The following UNKL variants were observed in gnomAD, a reference collection of about 807,000 sequenced individuals.
UNKL encodes the protein putative E3 ubiquitin-protein ligase UNKL.
UNKL carries 60 observed loss-of-function variants against 78.0 expected under a neutral mutation model. The ratio of observed to expected loss-of-function variants is 0.77; its 90% confidence interval spans 0.63 to 0.95. The LOEUF is 0.95. Ranked by LOEUF, UNKL falls within the 40% of genes least tolerant of loss-of-function variation. The probability of loss-of-function intolerance (pLI) is 0.00; values close to 1 mark genes in which losing one functional copy is unlikely to be tolerated. For synonymous variants in UNKL, 608 were observed against 474.8 expected (o/e 1.28, Z -3.65); for missense variants, 1,159 against 1,045.7 (o/e 1.11, Z -1.49).
At chr16:1,367,569 T>TCCCCTCCCATCTCA (rs2035402994) in intron 13 of UNKL, 87 bp downstream of exon 13, 1 of 197,638 alleles carries the variant, frequency 5.1e-6, no homozygotes, top group Non-Finnish European at 9.0e-6. Flanking sequence ...CCTCCCTCCC[T>TCCCCTCCCATCTCA]CCCCTCCCAT....
In UNKL at chr16:1,406,721, G is replaced by C. The variant is rs561989622; in HGVS notation, c.288-3377C>G. ...TGCTCCCAAAGCCCAAGCTCATCAT[G>C]AGATCAGTTTAAACAGCAAATTCTA... On this transcript the variant is annotated intron_variant, in intron 2 of 14. Transcript: ENST00000389221. Among the ~76,000 whole-genome samples, 5 of 152,276 alleles carry C rather than the reference G, an allele frequency of 3.3e-5. No individual in the cohort carries two copies. The East Asian group carries it at 9.6e-4, about 29-fold the overall frequency.
chr16:1,366,404 C>A lies in UNKL; in HGVS notation c.2047-9G>T. ...CGGAGCTGGAAGATCACCTGCAGGG[C>A]CAGAACAATGACGGGCTCAGGAGGC... is the stretch of plus-strand genomic sequence containing the variant. On this transcript the variant is annotated splice_polypyrimidine_tract_variant and intron_variant, in intron 14 of 14. Transcript: ENST00000389221. 1 of 1,575,822 alleles carries A rather than the reference C, an allele frequency of 6.3e-7. No homozygotes were observed. Among genetic ancestry groups the A allele is most frequent in the Non-Finnish European group, 8.7e-7 (1 of 1,155,828 alleles).
chr16:1,412,959 G>A (rs886095963), intron 2 of UNKL, among the ~76,000 whole-genome samples: 2 of 152,004 alleles, frequency 1.3e-5, no homozygotes, highest in African/African-American at 4.8e-5. Flanking sequence ...AAATCAGAGT[G>A]GGAAACAGCT....
chr16:1,364,220 T>G lies in UNKL; in HGVS notation c.*2020A>C, dbSNP rs2035053018. The G allele has an allele frequency of 6.6e-6, 1 of 152,178 alleles. No homozygotes were observed. The highest frequency in any genetic ancestry group is 6.5e-5 in the Admixed American group (1 of 15,276). The allele number at this position is 152,178 out of a possible 1,614,324, so 9.4% of individuals were successfully genotyped here. A position where few individuals can be genotyped will look rare whatever the true frequency, so the allele number is the denominator to read the frequency against. On this transcript the variant is annotated 3_prime_UTR_variant, in exon 15 of 15. Transcript: ENST00000389221. ...AACCAAGTCGATAGTTACCTTGGAGTAGTGGACTAGCTGCAGAATGTCACG... is the reference window on the plus strand; with the variant it reads ...AACCAAGTCGATAGTTACCTTGGAGGAGTGGACTAGCTGCAGAATGTCACG...
intron 2 of UNKL, among the ~76,000 whole-genome samples, chr16:1,413,201 A>T (rs1596789147): frequency 7.2e-6 from 1 of 139,372 alleles, no homozygotes; most frequent in South Asian, 2.3e-4. Context: ...GCCGTATCCT[A>T]TCATTGCACT....
rs1243710360 is a variant in UNKL at position 1,399,955 on chromosome 16, G to A, written c.599-446C>T. On this transcript the variant is annotated intron_variant, in intron 4 of 14. Coordinates refer to ENST00000389221, the MANE Select transcript of UNKL (RefSeq NM_001372107.1). The surrounding 1 kb of genome is among the most constrained non-coding windows in gnomAD (Gnocchi z 5.8). Reference sequence around the variant, plus strand: ...GCCTCATGCGCACCACAGCCTCTGGGTGACAAGCACACATCAGTGTGGGTT... The same window carrying A: ...GCCTCATGCGCACCACAGCCTCTGGATGACAAGCACACATCAGTGTGGGTT... Among the ~76,000 whole-genome samples the A allele has an allele frequency of 2.4e-5, 1 of 40,986 alleles. No individual in the cohort carries two copies. The highest frequency in any genetic ancestry group is 0.12 in the East Asian group (1 of 8). 26.9% of individuals were successfully genotyped at this position (40,986 alleles called of 152,430 possible). A position where few individuals can be genotyped will look rare whatever the true frequency, so the allele number is the denominator to read the frequency against.
chr16:1,383,478 C>T (rs1207418883), intron 10 of UNKL: 4 of 254,710 alleles, frequency 1.6e-5, no homozygotes, highest in South Asian at 1.2e-4. Flanking sequence ...TGAGGACCGT[C>T]CTGGGGCCTC....
chr16:1,380,995 G>T (rs1222303160), intron 10 of UNKL, among the ~76,000 whole-genome samples: 1 of 152,160 alleles, frequency 6.6e-6, no homozygotes, highest in Non-Finnish European at 1.5e-5. Flanking sequence ...TTAAGTAAAT[G>T]AAAGAGTGTG....
At chr16:1,383,425 G>A (rs541254673) in intron 10 of UNKL, 1 of 187,434 alleles carries the variant, frequency 5.3e-6, no homozygotes, top group Non-Finnish European at 1.2e-5. Flanking sequence ...GATGCACCTG[G>A]TTGCAGAGGT....
Position 1,367,333 on chromosome 16 carries a change from T to C in UNKL, c.1805A>G (p.Gln602Arg). The C allele has an allele frequency of 6.5e-7, 1 of 1,545,526 alleles. No homozygotes were observed. The highest frequency in any genetic ancestry group is 8.7e-7 in the Non-Finnish European group (1 of 1,150,196). ...CTCCTTGGCCTCCTGCGCCTCTCGC[T>C]GCCAGGCATCGCAGACCTGAAACCC... ...QQVKQVCDAW[Q>R]REAQEAKERA... The change falls in exon 14 of 15, where the codon CAG becomes CGG. Residue 602 changes from glutamine (Q) to arginine (R), a missense_variant. Transcript: ENST00000389221.
intron 12 of UNKL, among the ~76,000 whole-genome samples, chr16:1,368,537 G>C (rs984641683): frequency 7.1e-6 from 1 of 141,844 alleles, no homozygotes; most frequent in Admixed American, 8.1e-5. Context: ...GGGAAGCGGA[G>C]CTTGCAGTGA....
At chr16:1,394,238 G>A in intron 6 of UNKL, 23 bp from the exon 7 acceptor site, 1 of 1,550,026 alleles carries the variant, frequency 6.5e-7, no homozygotes, top group Non-Finnish European at 8.7e-7. Context: ...GTGAAATAAA[G>A]AGGTTGGATT....
At chr16:1,406,911 G>A (rs1260378377) in intron 2 of UNKL, among the ~76,000 whole-genome samples, 2 of 116,170 alleles carry the variant, frequency 1.7e-5, no homozygotes, top group Non-Finnish European at 3.5e-5. Flanking sequence ...GCTGAGGCAG[G>A]TGGACCACCT....
chr16:1,412,853 T>C (rs565270842), intron 2 of UNKL, among the ~76,000 whole-genome samples: 1 of 151,942 alleles, frequency 6.6e-6, no homozygotes, highest in African/African-American at 2.4e-5. Context: ...GCCCAGGAGG[T>C]TGAGACCAGA....
At chr16:1,404,962 G>A (rs982695373) in intron 2 of UNKL, among the ~76,000 whole-genome samples, 2 of 152,146 alleles carry the variant, frequency 1.3e-5, no homozygotes, top group African/African-American at 4.8e-5. Flanking sequence ...GGGGGGCAGA[G>A]ACAGGAGGAT....
At chr16:1,394,241 G>A in intron 6 of UNKL, 26 bp from the exon 7 acceptor site, 1 of 1,549,334 alleles carries the variant, frequency 6.5e-7, no homozygotes, top group Non-Finnish European at 8.7e-7. Context: ...AAATAAAGAG[G>A]TTGGATTGGA....
At chr16:1,413,387 G>GGAGAAAC (rs922149654) in intron 2 of UNKL, among the ~76,000 whole-genome samples, 1 of 151,974 alleles carries the variant, frequency 6.6e-6, no homozygotes. Context: ...TAACCAACAT[G>GGAGAAAC]GAGAAACCCT....
rs968618894 is a variant in UNKL, at chr16:1,387,100, C to T, written c.1087-1715G>A. On this transcript the variant is annotated intron_variant, in intron 9 of 14. Coordinates refer to ENST00000389221, the MANE Select transcript of UNKL (RefSeq NM_001372107.1). The surrounding 1 kb of genome is among the most constrained non-coding windows in gnomAD (Gnocchi z 4.1). ...CTCCCAGCCATGCAGCACCGGGGACCCTCCCAGCAATGCAGCACCGGGGAC... is the reference window on the plus strand; with the variant it reads ...CTCCCAGCCATGCAGCACCGGGGACTCTCCCAGCAATGCAGCACCGGGGAC... Among the ~76,000 whole-genome samples, 2 of 150,732 alleles carry T rather than the reference C, an allele frequency of 1.3e-5. No individual in the cohort carries two copies. Among genetic ancestry groups the T allele is most frequent in the South Asian group, 2.1e-4 (1 of 4,760 alleles).
At chr16:1,379,750 CG>C in intron 10 of UNKL, 1 of 899,018 alleles carries the variant, frequency 1.1e-6, no homozygotes, top group Non-Finnish European at 1.3e-6. Context: ...CCGCCCCCGT[CG>C]CACTGGCCAC....
Sources: allele counts gnomAD v4.1 joint callset (sites outside exome capture counted in the v4.1 genomes callset), GRCh38; gene constraint gnomAD v4.1.1; non-coding constraint Gnocchi (gnomAD v3.1); transcripts MANE v1.5; gene names NCBI Gene and HGNC (gene_info 2026-07-23, HGNC 2026-07-21).